The following NEK8 variants were observed in gnomAD, a reference collection of about 807,000 sequenced individuals.
NEK8 encodes NIMA related kinase 8, also known as serine/threonine-protein kinase Nek8.
A neutral mutation model predicts 77.2 loss-of-function variants in NEK8; 51 were observed. The ratio of observed to expected loss-of-function variants is 0.66; its 90% CI spans 0.53 to 0.83. The LOEUF (loss-of-function observed/expected upper bound fraction) is 0.83. Among genes scored for constraint, NEK8 ranks in the 40% least tolerant of loss-of-function variants. The pLI, the probability that NEK8 is intolerant of heterozygous loss-of-function variation, is 0.00. For synonymous variants in NEK8, 365 were observed against 363.2 expected, an observed-to-expected ratio of 1.00 and a Z score of -0.06; for missense variants, 787 against 909.2, an observed-to-expected ratio of 0.87 and a Z score of 1.73.
In NEK8 at chr17:28,737,516, C is replaced by G; in HGVS notation, c.827+2C>G. On this transcript the variant is annotated splice_donor_variant, in intron 5 of 14. Transcript: ENST00000268766. LOFTEE classifies it high-confidence loss of function. The surrounding 1 kb of genome is among the most constrained non-coding windows in gnomAD (Gnocchi z 4.8). ...CGTGGGCAGTGTCCGCATGCGGAGG[C>G]CTGTGCAGGGACAGCGAGCGGTCCT... is the stretch of plus-strand genomic sequence containing the variant. 6.2e-7 allele frequency: 1 copy of G among 1,613,094 alleles called. No homozygotes were observed. The highest frequency in any genetic ancestry group is 8.5e-7 in the Non-Finnish European group (1 of 1,179,848).
In NEK8 at chr17:28,741,294, G is replaced by C. The variant is rs115505660; in HGVS notation, c.1891+58G>C. The C allele has an allele frequency of 1.2e-3, 1,988 of 1,592,644 alleles. 19 individuals carry two copies. In the African/African-American group the frequency reaches 0.024, roughly 19 times the overall value. On this transcript the variant is annotated intron_variant, in intron 13 of 14. Transcript: ENST00000268766. The surrounding 1 kb of genome is among the most constrained non-coding windows in gnomAD (Gnocchi z 4.5). ...CCATGAGCAGTGGGGGGTGGGGGTT[G>C]CTATTCAGGGCCACTGGACTCTGGA...
At position 28,743,127 on chromosome 17, in the gene NEK8, A is replaced by C. The variant is rs927358742; in HGVS notation, c.*1140A>C. ...AGTATTTGGTGCTTACCGGGACTCTATCTCCATACTTTGGAGCAGGGCAAG... is the reference window on the plus strand; with the variant it reads ...AGTATTTGGTGCTTACCGGGACTCTCTCTCCATACTTTGGAGCAGGGCAAG... On this transcript the variant is annotated 3_prime_UTR_variant, in exon 15 of 15. Coordinates refer to ENST00000268766, the MANE Select transcript of NEK8 (RefSeq NM_178170.3). The C allele has an allele frequency of 2.0e-5, 3 of 149,092 alleles. No individual in the cohort carries two copies. Among genetic ancestry groups the C allele is most frequent in the Non-Finnish European group, 4.4e-5 (3 of 67,854 alleles). The allele number at this position is 149,092 out of a possible 1,614,324, so 9.2% of individuals were successfully genotyped here.
At chr17:28,736,481 ATGGTATCTCAT>A (rs1215453402) in intron 4 of NEK8, among the ~76,000 whole-genome samples, 1 of 152,226 alleles carries the variant, frequency 6.6e-6, no homozygotes, top group Non-Finnish European at 1.5e-5. Flanking sequence ...CTGGTGTGAG[ATGGTATCTCAT>A]TGTGGTTTTG....
intron 2 of NEK8, 158 bp from the exon 3 acceptor site, chr17:28,734,614 G>C (rs1035725016): frequency 5.7e-5 from 36 of 635,966 alleles, no homozygotes; most frequent in South Asian, 1.7e-4. Context: ...AACCCGGGAG[G>C]GGGGGCTTGC....
At chr17:28,731,931 TTTTTTTTTTTTTTTTTTG>T in intron 1 of NEK8, among the ~76,000 whole-genome samples, 1 of 92,484 alleles carries the variant, frequency 1.1e-5, no homozygotes, top group African/African-American at 4.6e-5. Context: ...TTTTTTTTTT[TTTTTTTTTTTTTTTTTTG>T]AGACGGAGTC....
At position 28,728,829 on chromosome 17, in the gene NEK8, C is replaced by T. The variant is rs1246138320; in HGVS notation, c.16C>T (p.Arg6Trp). The T allele has an allele frequency of 3.2e-6, 5 of 1,551,558 alleles. No individual in the cohort carries two copies. Among genetic ancestry groups the T allele is most frequent in the Non-Finnish European group, 3.5e-6 (4 of 1,146,838 alleles). ...AAGAAATGAGATGGAGAAGTACGAG[C>T]GGATCCGAGTGGTGGGGAGAGGTGC... MEKYE[R>W]IRVVGRGAFG... Residue 6 changes from arginine (R) to tryptophan (W), a missense_variant, in exon 1 of 15, where the codon CGG (arginine) becomes TGG (tryptophan). Physicochemically the swap from Arg to Trp is moderately radical, Grantham distance 101. Coordinates refer to ENST00000268766, the MANE Select transcript of NEK8 (RefSeq NM_178170.3).
rs376335658 is a variant in NEK8, at chr17:28,741,082, G to T, written c.1737G>T (p.Ser579=). 3 of 1,614,146 alleles carry T rather than the reference G, an allele frequency of 1.9e-6. No homozygotes were observed. The highest frequency in any genetic ancestry group is 2.5e-6 in the Non-Finnish European group (3 of 1,180,032). ...GTAHSAAVTA[S]GDCYTFGSNQ... The stretch of plus-strand genomic sequence containing the variant: ...TTTCCTTCCTCTCCCCCATAGCCTC[G>T]GGTGATTGCTACACTTTTGGCAGCA... The change falls in exon 13 of 15, where the codon TCG becomes TCT. Residue 579 remains serine, a synonymous_variant. Coordinates refer to ENST00000268766, the MANE Select transcript of NEK8 (RefSeq NM_178170.3). This position sits in a 1 kb window ranked among gnomAD's most constrained non-coding sequence, Gnocchi z 4.5.
rs886052770 is a variant in NEK8, at chr17:28,742,408, G to A, written c.*421G>A. The A allele has an allele frequency of 1.4e-4, 41 of 292,904 alleles. No homozygotes were observed. Among genetic ancestry groups the A allele is most frequent in the Non-Finnish European group, 1.4e-4 (21 of 147,452 alleles). 18.1% of individuals were successfully genotyped at this position (292,904 alleles called of 1,614,324 possible). A position where few individuals can be genotyped will look rare whatever the true frequency, so the allele number is the denominator to read the frequency against. The stretch of plus-strand genomic sequence containing the variant: ...GGAGATCGAGACCATCCTGGCTAAC[G>A]TGGTGAAACCCCATCTCTACTAAAA... On this transcript the variant is annotated 3_prime_UTR_variant, in exon 15 of 15. Transcript: ENST00000268766.
At position 28,741,348 on chromosome 17, in the gene NEK8, G is replaced by A. The variant is rs2034419963; in HGVS notation, c.1892-65G>A. 1.2e-6 allele frequency: 2 copies of A among 1,601,986 alleles called. No homozygotes were observed. The highest frequency in any genetic ancestry group is 1.7e-5 in the Admixed American group (1 of 57,592). On this transcript the variant is annotated intron_variant, in intron 13 of 14. Transcript: ENST00000268766. This position sits in a 1 kb window ranked among gnomAD's most constrained non-coding sequence, Gnocchi z 4.5. ...TCCCAGGGGCCATCCTGGCAATGTG[G>A]GAGGGGAGATCCTGCTCGGGCTGTG...
In NEK8 at chr17:28,734,830, C is replaced by T; in HGVS notation, c.312C>T (p.Thr104=). Residue 104 remains threonine (T), a synonymous_variant, in exon 3 of 15, where the codon ACC becomes ACT. Transcript: ENST00000268766. Reference sequence around the variant, plus strand: ...GTAATTCCCTGCTGGAGGAGGAGACCATCCTGCACTTCTTCGTGCAGATCC... The same window carrying T: ...GTAATTCCCTGCTGGAGGAGGAGACTATCCTGCACTTCTTCGTGCAGATCC... ...KRCNSLLEEE[T]ILHFFVQILL... The T allele has an allele frequency of 6.2e-7, 1 of 1,613,852 alleles. No individual in the cohort carries two copies. Among genetic ancestry groups the T allele is most frequent in the Non-Finnish European group, 8.5e-7 (1 of 1,180,002 alleles).
At chr17:28,731,349 C>T (rs1160432023) in intron 1 of NEK8, among the ~76,000 whole-genome samples, 1 of 151,868 alleles carries the variant, frequency 6.6e-6, no homozygotes, top group African/African-American at 2.4e-5. Flanking sequence ...ACCATCCCGG[C>T]CAACATGGTA....
At chr17:28,733,751 C>G (rs775551877) in intron 1 of NEK8, among the ~76,000 whole-genome samples, 8 of 152,220 alleles carry the variant, frequency 5.3e-5, no homozygotes, top group Non-Finnish European at 1.0e-4. Context: ...TCTGTGGGAA[C>G]TTAGAGATCA....
intron 1 of NEK8, among the ~76,000 whole-genome samples, chr17:28,731,644 C>T (rs1048069831): frequency 6.6e-6 from 1 of 151,532 alleles, no homozygotes; most frequent in Non-Finnish European, 1.5e-5. Context: ...CGCTCTGTCA[C>T]CCAGACTAGA....
Position 28,737,452 on chromosome 17 carries a change from G to T in NEK8, c.765G>T (p.Gln255His), listed in dbSNP as rs1406276832. The change falls in exon 5 of 15, where the codon CAG becomes CAT. Residue 255 changes from glutamine to histidine, a missense_variant. Gln to His is a conservative substitution (Grantham distance 24, BLOSUM62 0). Transcript: ENST00000268766. The surrounding 1 kb of genome is among the most constrained non-coding windows in gnomAD (Gnocchi z 4.8). ...CACCACTCAGCCACATCATGGCACA[G>T]CCCCTCTGCATCCGTGCCCTCCTCA... ...QRPPLSHIMA[Q>H]PLCIRALLNL... 6.2e-7 allele frequency: 1 copy of T among 1,613,106 alleles called. No individual in the cohort carries two copies. Among genetic ancestry groups the T allele is most frequent in the Admixed American group, 1.7e-5 (1 of 60,024 alleles).
At chr17:28,738,606 C>G in intron 8 of NEK8, 65 bp from the exon 9 acceptor site, 1 of 1,451,906 alleles carries the variant, frequency 6.9e-7, no homozygotes, top group East Asian at 2.3e-5. Context: ...CACTGGAGGA[C>G]CGGGCTATCT....
At chr17:28,738,845 C>A in intron 9 of NEK8, 98 bp downstream of exon 9, 2 of 1,003,378 alleles carry the variant, frequency 2.0e-6, no homozygotes, top group Non-Finnish European at 3.1e-6. Flanking sequence ...GAGTTCCCAG[C>A]AACCACAGGT....
chr17:28,737,976 C>T lies in NEK8; in HGVS notation c.1047C>T (p.Arg349=). ...AGRTQKAGVT[R]SGRLILWEAP... ...GCACGCAGAAAGCCGGCGTCACGCG[C>T]TCTGGGCGTCTCATCCTGTGGGAGG... The change falls in exon 7 of 15, where the codon CGC becomes CGT. Residue 349 remains arginine, a synonymous_variant. Coordinates refer to ENST00000268766, the MANE Select transcript of NEK8 (RefSeq NM_178170.3). The surrounding 1 kb of genome is among the most constrained non-coding windows in gnomAD (Gnocchi z 4.8). The T allele has an allele frequency of 6.2e-7, 1 of 1,611,912 alleles. No individual in the cohort carries two copies. Among genetic ancestry groups the T allele is most frequent in the African/African-American group, 1.3e-5 (1 of 75,016 alleles).
Position 28,737,378 on chromosome 17 carries a change from C to CT in NEK8, c.693dup (p.Arg232SerfsTer177), listed in dbSNP as rs761700543. On this transcript the variant is annotated frameshift_variant, in exon 5 of 15. Transcript: ENST00000268766. LOFTEE classifies it high-confidence loss of function. The surrounding 1 kb of genome is among the most constrained non-coding windows in gnomAD (Gnocchi z 4.8). ...TATCTCTGACCGGTACAGCCCTGAG[C>CT]TTCGCCAGCTGGTCCTGAGTCTACT... 6.2e-7 allele frequency: 1 copy of CT among 1,613,832 alleles called. No individual in the cohort carries two copies. Among genetic ancestry groups the CT allele is most frequent in the Non-Finnish European group, 8.5e-7 (1 of 1,180,030 alleles).
At chr17:28,735,448 A>T in intron 4 of NEK8, 77 bp downstream of exon 4, 1 of 1,513,602 alleles carries the variant, frequency 6.6e-7, no homozygotes. Flanking sequence ...AAGCCACCTC[A>T]GGTTTCTCCT....
Sources: gnomAD v4.1 joint callset for allele counts (sites outside exome capture counted in the v4.1 genomes callset) on GRCh38, gnomAD v4.1.1 for gene constraint, Gnocchi (gnomAD v3.1) non-coding constraint, MANE v1.5 for transcripts, NCBI Gene and HGNC (gene_info 2026-07-23, HGNC 2026-07-21) for gene names.